ZNF704: variants seen among roughly 807,000 people sequenced by gnomAD.
ZNF704 encodes the protein glucocorticoid induced gene 1.
A neutral mutation model predicts 44.7 loss-of-function variants in ZNF704; 10 were observed. The ratio of observed to expected loss-of-function variants is 0.22; its 90% CI spans 0.14 to 0.38. The LOEUF (loss-of-function observed/expected upper bound fraction) is 0.38, where lower values mean the gene tolerates loss of function less well. Among genes scored for constraint, ZNF704 ranks in the 10% least tolerant of loss-of-function variants. ZNF704 has a pLI of 1.00. For missense variants in ZNF704, 390 were observed against 545.5 expected, an observed-to-expected ratio of 0.71 and a Z score of 2.84; for synonymous variants, 211 against 207.6, an observed-to-expected ratio of 1.02 and a Z score of -0.14.
At chr8:80,875,306 A>G (rs953531759), upstream of ZNF704, among the ~76,000 whole-genome samples, 6 of 151,796 alleles carry the variant, frequency 4.0e-5, no homozygotes, top group African/African-American at 7.3e-5. Flanking sequence ...TTATTTATAT[A>G]TATTTCTTTA....
chr8:80,749,284 A>G (rs1806901347), intron 2 of ZNF704, among the ~76,000 whole-genome samples: 1 of 152,172 alleles, frequency 6.6e-6, no homozygotes, highest in Non-Finnish European at 1.5e-5. Context: ...TGTTGGAATT[A>G]CAGGTGTGAG....
intron 7 of ZNF704, among the ~76,000 whole-genome samples, chr8:80,644,012 G>C (rs1817787738): frequency 6.6e-6 from 1 of 152,118 alleles, no homozygotes; most frequent in East Asian, 1.9e-4. Context: ...AGGAATAAAG[G>C]CAAGAGGCAG....
chr8:80,778,550 T>C (rs536021535), intron 2 of ZNF704, among the ~76,000 whole-genome samples: 240 of 152,264 alleles, frequency 1.6e-3, no homozygotes, highest in African/African-American at 5.2e-3. Context: ...TAAAGACACA[T>C]GCACACAAAT....
chr8:80,683,240 G>C (rs1444612461), intron 4 of ZNF704, among the ~76,000 whole-genome samples: 1 of 152,146 alleles, frequency 6.6e-6, no homozygotes, highest in African/African-American at 2.4e-5. Context: ...GAAAAATTCT[G>C]CTAGACCTGG....
intron 2 of ZNF704, among the ~76,000 whole-genome samples, chr8:80,748,703 G>A (rs1261613962): frequency 6.6e-6 from 1 of 152,200 alleles, no homozygotes. Flanking sequence ...ATAGGAAAAA[G>A]TTCTAGAAAC....
chr8:80,663,669 A>C (rs1312508823), intron 6 of ZNF704, among the ~76,000 whole-genome samples: 1 of 152,210 alleles, frequency 6.6e-6, no homozygotes, highest in African/African-American at 2.4e-5. Context: ...AAGGCAGGGC[A>C]TGAAGTCCCG....
chr8:80,757,648 C>G (rs1202086216), intron 2 of ZNF704, among the ~76,000 whole-genome samples: 2 of 152,204 alleles, frequency 1.3e-5, no homozygotes, highest in Non-Finnish European at 2.9e-5. Flanking sequence ...TCACCCAGCA[C>G]AGCCCCCGGT....
At chr8:80,696,565 G>A (rs951326996) in intron 2 of ZNF704, among the ~76,000 whole-genome samples, 15 of 152,100 alleles carry the variant, frequency 9.9e-5, no homozygotes, top group African/African-American at 3.6e-4. Flanking sequence ...TTACAGGCAT[G>A]TGTCACCACC....
At chr8:80,800,767 A>T (rs538056023) in intron 2 of ZNF704, among the ~76,000 whole-genome samples, 1 of 152,152 alleles carries the variant, frequency 6.6e-6, no homozygotes, top group South Asian at 2.1e-4. Context: ...TCTGCAAAAC[A>T]ACCAGCTAGC....
intron 2 of ZNF704, among the ~76,000 whole-genome samples, chr8:80,738,182 T>C (rs910310131): frequency 6.6e-6 from 1 of 152,180 alleles, no homozygotes; most frequent in Non-Finnish European, 1.5e-5. Flanking sequence ...TCTCTGATCA[T>C]GTTAACTTGA....
intron 1 of ZNF704, among the ~76,000 whole-genome samples, chr8:80,871,629 T>C (rs1346220109): frequency 6.6e-6 from 1 of 152,206 alleles, no homozygotes; most frequent in Non-Finnish European, 1.5e-5. Flanking sequence ...CAGGAAGGTG[T>C]CCACTGCTAT....
intron 6 of ZNF704, among the ~76,000 whole-genome samples, chr8:80,664,272 ATT>A (rs146856594): frequency 8.5e-4 from 108 of 126,540 alleles, no homozygotes; most frequent in African/African-American, 1.9e-3. Flanking sequence ...AACATTAGGG[ATT>A]TTTTTTTTTT....
chr8:80,687,249 C>G lies in ZNF704; in HGVS notation c.535G>C (p.Glu179Gln). 6.2e-7 allele frequency: 1 copy of G among 1,612,350 alleles called. No homozygotes were observed. Among genetic ancestry groups the G allele is most frequent in the Non-Finnish European group, 8.5e-7 (1 of 1,179,272 alleles). ...EAEASNLLFD[E>Q]PIPRKRKNSM... Reference sequence around the variant, plus strand: ...ACCTTTCTTTTCCTGGGAATGGGCTCGTCGAAGAGCAGGTTGCTGGCCTCC... The same window carrying G: ...ACCTTTCTTTTCCTGGGAATGGGCTGGTCGAAGAGCAGGTTGCTGGCCTCC... The change falls in exon 4 of 9, where the codon GAG (glutamate) becomes CAG (glutamine). Residue 179 changes from glutamate (E) to glutamine (Q), a missense_variant. Physicochemically the swap from Glu to Gln is conservative, Grantham distance 29. Transcript: ENST00000327835.
intron 1 of ZNF704, among the ~76,000 whole-genome samples, chr8:80,859,332 A>G (rs1258806480): frequency 6.6e-6 from 1 of 152,228 alleles, no homozygotes; most frequent in Non-Finnish European, 1.5e-5. Context: ...TTAATCTACC[A>G]GGGGTAGGAA....
intron 2 of ZNF704, among the ~76,000 whole-genome samples, chr8:80,768,212 T>G (rs1482841870): frequency 6.6e-6 from 1 of 152,198 alleles, no homozygotes; most frequent in Non-Finnish European, 1.5e-5. Context: ...TCAGAAATGA[T>G]TCTTTAATAC....
intron 2 of ZNF704, among the ~76,000 whole-genome samples, chr8:80,804,847 A>AG (rs1481919151): frequency 6.6e-6 from 1 of 152,210 alleles, no homozygotes; most frequent in East Asian, 1.9e-4. Context: ...TAGAAGTTGA[A>AG]GAAAAAAAAA....
chr8:80,700,580 T>C (rs1818793485), intron 2 of ZNF704, among the ~76,000 whole-genome samples: 3 of 152,250 alleles, frequency 2.0e-5, no homozygotes, highest in Non-Finnish European at 4.4e-5. Context: ...ACCTGAGTTC[T>C]ACCTATTTAA....
At position 80,759,796 on chromosome 8, in the gene ZNF704, C is replaced by T. The variant is rs111935880; in HGVS notation, c.221+61578G>A. Among the ~76,000 whole-genome samples the T allele has an allele frequency of 6.2e-3, 941 of 151,738 alleles. 3 individuals carry two copies. The highest frequency in any genetic ancestry group is 0.021 in the Middle Eastern group (6 of 292). On this transcript the variant is annotated intron_variant, in intron 2 of 8. Coordinates refer to ENST00000327835, the MANE Select transcript of ZNF704 (RefSeq NM_001033723.3). The stretch of plus-strand genomic sequence containing the variant: ...TTTGGGACAGGATCTTGCTCTGTTT[C>T]CCAGACTGGAGTGCAGTGGTCTGAT...
chr8:80,749,428 C>T (rs950074897), intron 2 of ZNF704: 8 of 152,378 alleles, frequency 5.3e-5, no homozygotes, highest in African/African-American at 9.7e-5. Flanking sequence ...AGCATGCAGT[C>T]GCATAATGTG....
Sources: gnomAD v4.1 joint callset for allele counts (sites outside exome capture counted in the v4.1 genomes callset) on GRCh38, gnomAD v4.1.1 for gene constraint, MANE v1.5 for transcripts, NCBI Gene and HGNC (gene_info 2026-07-23, HGNC 2026-07-21) for gene names.